The following PDE1C variants were observed in gnomAD, a reference collection of about 807,000 sequenced individuals.
The protein encoded by PDE1C is phosphodiesterase 1C, also known as dual specificity calcium/calmodulin-dependent 3',5'-cyclic nucleotide phosphodiesterase 1C.
In PDE1C, 62 loss-of-function variants were observed where a neutral mutation model predicts 93.1. The ratio of observed to expected loss-of-function variants is 0.67; its 90% CI spans 0.54 to 0.82. The LOEUF is 0.82. PDE1C is among the 40% of genes least tolerant of loss of function. The pLI, the probability that PDE1C is intolerant of heterozygous loss-of-function variation, is 0.00. For synonymous variants in PDE1C, 325 were observed against 310.1 expected, an observed-to-expected ratio of 1.05 and a Z score of -0.50; for missense variants, 742 against 884.6, an observed-to-expected ratio of 0.84 and a Z score of 2.04.
At chr7:32,257,621 C>T (rs919132599) in intron 1 of PDE1C, among the ~76,000 whole-genome samples, 2 of 152,204 alleles carry the variant, frequency 1.3e-5, no homozygotes, top group Admixed American at 6.5e-5. Flanking sequence ...ATTATTATTG[C>T]TATTATTGTT....
At chr7:31,931,551 A>G (rs1344837619) in intron 2 of PDE1C, among the ~76,000 whole-genome samples, 1 of 152,216 alleles carries the variant, frequency 6.6e-6, no homozygotes, top group East Asian at 1.9e-4. Context: ...GGACCTCTTC[A>G]AGGAGAACTA....
chr7:32,371,834 A>C (rs1050104972), intron 1 of PDE1C, among the ~76,000 whole-genome samples: 1 of 152,178 alleles, frequency 6.6e-6, no homozygotes, highest in Admixed American at 6.5e-5. Flanking sequence ...TAACAAGCTG[A>C]TCCTAAAAGT....
the PDE1C span, chr7:31,643,322 C>T: frequency 2.5e-6 from 4 of 1,613,960 alleles, no homozygotes; most frequent in Middle Eastern, 4.9e-4. Flanking sequence ...GAAATCACAC[C>T]TTATGCAACT....
chr7:32,193,518 G>T (rs986192375), intron 2 of PDE1C, among the ~76,000 whole-genome samples: 1 of 152,152 alleles, frequency 6.6e-6, no homozygotes, highest in African/African-American at 2.4e-5. Context: ...GTGTGGCATA[G>T]ACTTTGTTTT....
At chr7:31,795,011 T>C (rs188502948) in intron 16 of PDE1C, among the ~76,000 whole-genome samples, 31 of 152,068 alleles carry the variant, frequency 2.0e-4, no homozygotes, top group African/African-American at 7.2e-4. Flanking sequence ...AGAATAAAAA[T>C]AGCATATATT....
In PDE1C at chr7:31,869,781, C is replaced by T. The variant is rs987584612; in HGVS notation, c.609+3511G>A. Among the ~76,000 whole-genome samples the T allele has an allele frequency of 3.3e-5, 5 of 152,054 alleles. 1 individual carries two copies. Among genetic ancestry groups the T allele is most frequent in the African/African-American group, 1.2e-4 (5 of 41,428 alleles). ...ACCAAATGGACCTAATAGACACTTA[C>T]AGAACATTTTATCCAACAGCTACAG... On this transcript the variant is annotated intron_variant, in intron 6 of 17. Coordinates refer to ENST00000396191, the MANE Select transcript of PDE1C (RefSeq NM_001191057.4).
At chr7:31,625,100 A>G in the PDE1C span, among the ~76,000 whole-genome samples, 2 of 152,168 alleles carry the variant, frequency 1.3e-5, no homozygotes, top group African/African-American at 4.8e-5. Flanking sequence ...TTAGAATGGC[A>G]ATCATTAAGA....
At chr7:31,799,946 G>A (rs1263985661) in intron 16 of PDE1C, among the ~76,000 whole-genome samples, 2 of 151,660 alleles carry the variant, frequency 1.3e-5, no homozygotes, top group African/African-American at 4.8e-5. Context: ...TTATGTGGAT[G>A]TAATATACAT....
chr7:32,346,239 AT>A (rs1783850677), intron 1 of PDE1C, among the ~76,000 whole-genome samples: 1 of 152,154 alleles, frequency 6.6e-6, no homozygotes, highest in African/African-American at 2.4e-5. Flanking sequence ...TTCTTAATAA[AT>A]TTATCTTTGA....
chr7:31,652,454 G>T, the PDE1C span: 1 of 1,507,206 alleles, frequency 6.6e-7, no homozygotes. Flanking sequence ...TCACAAGTTT[G>T]AGTAAGCTGT....
chr7:31,745,882 T>C, the PDE1C span, among the ~76,000 whole-genome samples: 1 of 152,246 alleles, frequency 6.6e-6, no homozygotes, highest in Non-Finnish European at 1.5e-5. Flanking sequence ...TGAATTCAAA[T>C]GCTTTGCACT....
the PDE1C span, chr7:31,707,104 T>C: frequency 9.5e-7 from 1 of 1,049,000 alleles, no homozygotes; most frequent in Non-Finnish European, 1.4e-6. Context: ...CACTAAGAGG[T>C]TTCTGGGTTG....
At chr7:31,969,259 A>G (rs111626893) in intron 2 of PDE1C, among the ~76,000 whole-genome samples, 28,733 of 152,118 alleles carry the variant, frequency 0.19, 3,434 homozygotes, top group Non-Finnish European at 0.27. Flanking sequence ...AAGGGCTAAT[A>G]TCCAGAATCT....
At chr7:31,931,528 C>T (rs11579343) in intron 2 of PDE1C, among the ~76,000 whole-genome samples, 1 of 152,138 alleles carries the variant, frequency 6.6e-6, no homozygotes, top group African/African-American at 2.4e-5. Context: ...ATACAACTTA[C>T]AAACGAAGTG....
chr7:32,398,302 C>CA (rs372761892), intron 1 of PDE1C, among the ~76,000 whole-genome samples: 95,386 of 137,406 alleles, frequency 0.69, 33,082 homozygotes, highest in East Asian at 0.88. Context: ...GACTCCGTCT[C>CA]AAAAAAAAAA....
the PDE1C span, chr7:31,643,772 T>C: frequency 2.5e-6 from 4 of 1,613,994 alleles, no homozygotes; most frequent in Non-Finnish European, 3.4e-6. Flanking sequence ...TGCCATGCTA[T>C]ACCTGCCCAC....
At chr7:31,816,190 G>C in intron 14 of PDE1C, 36 bp from the exon 15 acceptor site, 1 of 1,585,060 alleles carries the variant, frequency 6.3e-7, no homozygotes. Context: ...CCACAGAAAA[G>C]AGAAAAAGAG....
intron 1 of PDE1C, among the ~76,000 whole-genome samples, chr7:32,345,255 C>T (rs1331096367): frequency 2.0e-5 from 3 of 152,208 alleles, no homozygotes; most frequent in Non-Finnish European, 4.4e-5. Flanking sequence ...TTCGCAGACA[C>T]GTGCTGCCTA....
intron 1 of PDE1C, among the ~76,000 whole-genome samples, chr7:32,229,822 C>T (rs2128861268): frequency 6.6e-6 from 1 of 152,276 alleles, no homozygotes; most frequent in Non-Finnish European, 1.5e-5. Flanking sequence ...CTAATTATAA[C>T]CATAAATGGA....
Sources: allele counts gnomAD v4.1 joint callset (sites outside exome capture counted in the v4.1 genomes callset), GRCh38; gene constraint gnomAD v4.1.1; transcripts MANE v1.5; gene names NCBI Gene and HGNC (gene_info 2026-07-23, HGNC 2026-07-21).